The following NCAM2 variants were observed in gnomAD, a reference collection of about 807,000 sequenced individuals.
NCAM2 encodes neural cell adhesion molecule 2.
In NCAM2, 30 loss-of-function variants were observed where a neutral mutation model predicts 98.1. The observed-to-expected ratio is 0.31, with a 90% CI of 0.23 to 0.41. The LOEUF is 0.41. NCAM2 is among the 10% of genes least tolerant of loss of function. NCAM2 has a pLI of 1.00. For synonymous variants in NCAM2, 368 were observed against 342.4 expected, an observed-to-expected ratio of 1.07 and a Z score of -0.83; for missense variants, 867 against 1,005.8, an observed-to-expected ratio of 0.86 and a Z score of 1.87.
At chr21:20,998,836 G>T (rs1268716877) in intron 1 of NCAM2, among the ~76,000 whole-genome samples, 1 of 152,140 alleles carries the variant, frequency 6.6e-6, no homozygotes, top group African/African-American at 2.4e-5. Context: ...TACAGAATTG[G>T]AGAGGGGAAT....
chr21:21,216,514 G>A lies in NCAM2; in HGVS notation c.56-64064G>A, dbSNP rs1173648008. Among the ~76,000 whole-genome samples the A allele has an allele frequency of 2.0e-5, 3 of 152,180 alleles. No homozygotes were observed. The East Asian group carries it at 5.8e-4, about 29-fold the overall frequency. On this transcript the variant is annotated intron_variant, in intron 1 of 17. Transcript: ENST00000400546. ...CCTAGATATGTGGCCACAATCTGGT[G>A]TTCTAATACTTGCTCTCTGAGTTGA...
chr21:21,385,395 C>CACAT (rs1555885251), intron 9 of NCAM2, among the ~76,000 whole-genome samples: 2,638 of 150,656 alleles, frequency 0.018, 82 homozygotes, highest in African/African-American at 0.061. Flanking sequence ...CACACACACA[C>CACAT]ACACGCACAC....
chr21:21,347,717 A>G (rs1375851968), intron 8 of NCAM2, among the ~76,000 whole-genome samples: 1 of 152,080 alleles, frequency 6.6e-6, no homozygotes, highest in Non-Finnish European at 1.5e-5. Flanking sequence ...ATGAATATTG[A>G]TGCAAAAATC....
chr21:21,138,672 T>C (rs1343057824), intron 1 of NCAM2, among the ~76,000 whole-genome samples: 3 of 152,204 alleles, frequency 2.0e-5, no homozygotes, highest in Non-Finnish European at 4.4e-5. Flanking sequence ...AGGTAACTGA[T>C]TTTAGCAGTG....
chr21:21,206,633 A>G (rs1192877186), intron 1 of NCAM2, among the ~76,000 whole-genome samples: 1 of 151,704 alleles, frequency 6.6e-6, no homozygotes, highest in Non-Finnish European at 1.5e-5. Context: ...TTTAGGTTAC[A>G]GGTGTTGTTA....
chr21:21,408,628 C>T (rs1390032616), intron 9 of NCAM2, among the ~76,000 whole-genome samples: 4 of 151,930 alleles, frequency 2.6e-5, no homozygotes, highest in South Asian at 2.1e-4. Context: ...ATATAATAGA[C>T]GTTGGTTAAA....
intron 1 of NCAM2, among the ~76,000 whole-genome samples, chr21:21,093,136 T>C (rs1413578793): frequency 6.6e-6 from 1 of 152,046 alleles, no homozygotes; most frequent in African/African-American, 2.4e-5. Context: ...GGGTCAAGGT[T>C]TGAATAAGGT....
At chr21:21,459,603 T>C (rs987287436) in intron 12 of NCAM2, among the ~76,000 whole-genome samples, 6 of 150,018 alleles carry the variant, frequency 4.0e-5, no homozygotes, top group Admixed American at 3.3e-4. Context: ...ATACATTATT[T>C]ATATGTACAC....
chr21:21,191,199 T>A (rs1458376664), intron 1 of NCAM2, among the ~76,000 whole-genome samples: 1 of 152,194 alleles, frequency 6.6e-6, no homozygotes, highest in Non-Finnish European at 1.5e-5. Flanking sequence ...GTGGACTGCA[T>A]GACCTGTTTG....
At chr21:21,380,988 T>G (rs1391751309) in intron 9 of NCAM2, among the ~76,000 whole-genome samples, 1 of 152,246 alleles carries the variant, frequency 6.6e-6, no homozygotes, top group Non-Finnish European at 1.5e-5. Context: ...GCTTTTTGTT[T>G]GTATAACACT....
intron 5 of NCAM2, among the ~76,000 whole-genome samples, chr21:21,316,566 C>T (rs2147753624): frequency 8.5e-6 from 1 of 117,166 alleles, no homozygotes; most frequent in Non-Finnish European, 1.6e-5. Context: ...GACAGAGTCT[C>T]ACTCTGTTGC....
At position 21,022,655 on chromosome 21, in the gene NCAM2, A is replaced by G. The variant is rs146528612; in HGVS notation, c.55+24037A>G. On this transcript the variant is annotated intron_variant, in intron 1 of 17. Coordinates refer to ENST00000400546, the MANE Select transcript of NCAM2 (RefSeq NM_004540.5). ...ACATAGGTTACTATTTATTAATACA[A>G]TTGCAAATTATTTTAACATAATTTC... Among the ~76,000 whole-genome samples, 675 of 152,298 alleles carry G rather than the reference A, an allele frequency of 4.4e-3. 5 individuals carry two copies. Among genetic ancestry groups the G allele is most frequent in the African/African-American group, 0.015 (614 of 41,584 alleles).
intron 1 of NCAM2, among the ~76,000 whole-genome samples, chr21:21,238,360 AC>A (rs2070929669): frequency 6.6e-6 from 1 of 152,206 alleles, no homozygotes; most frequent in Non-Finnish European, 1.5e-5. Context: ...AATAATACAT[AC>A]ATTTATTTGC....
At chr21:21,108,612 G>A (rs1287907406) in intron 1 of NCAM2, among the ~76,000 whole-genome samples, 2 of 151,972 alleles carry the variant, frequency 1.3e-5, no homozygotes, top group Non-Finnish European at 2.9e-5. Context: ...TACATTAGAT[G>A]GATTTTTCAA....
At chr21:21,052,486 G>A (rs73218285) in intron 1 of NCAM2, among the ~76,000 whole-genome samples, 9,085 of 151,966 alleles carry the variant, frequency 0.06, 285 homozygotes, top group East Asian at 0.095. Context: ...TATTTCAGGT[G>A]TGACTTCTAT....
intron 1 of NCAM2, among the ~76,000 whole-genome samples, chr21:21,175,564 C>T (rs1420790681): frequency 6.6e-6 from 1 of 151,904 alleles, no homozygotes; most frequent in Non-Finnish European, 1.5e-5. Context: ...AATAATAAAA[C>T]AGGGTGGTAA....
chr21:21,385,649 C>T, intron 9 of NCAM2: 2 of 1,287,334 alleles, frequency 1.6e-6, no homozygotes, highest in Non-Finnish European at 2.0e-6. Context: ...TTCAACATTT[C>T]CGAGGCGTTA....
intron 9 of NCAM2, among the ~76,000 whole-genome samples, chr21:21,405,037 C>T (rs910297449): frequency 4.0e-5 from 6 of 151,642 alleles, no homozygotes; most frequent in Admixed American, 3.9e-4. Context: ...TGTAACTTTA[C>T]CGGGACTGAA....
Position 21,508,877 on chromosome 21 carries a change from G to A in NCAM2, c.2104G>A (p.Gly702Arg), listed in dbSNP as rs758029228. Residue 702 changes from glycine to arginine, a missense_variant, in exon 16 of 18, where the codon GGA (glycine) becomes AGA (arginine). Around this residue, in one of 5 missense-constraint regions of NCAM2, gnomAD observed 234 missense variants for 333.8 expected, o/e 0.70. Coordinates refer to ENST00000400546, the MANE Select transcript of NCAM2 (RefSeq NM_004540.5). ...CACGCTGTTTAATGGTCTTGGGCTT[G>A]GAGCAGTAATTGGCCTGGGAGTTGC... is the stretch of plus-strand genomic sequence containing the variant. ...KDTLFNGLGLGAVIGLGVAAL... is the reference protein window; with the variant it reads ...KDTLFNGLGLRAVIGLGVAAL... 128 of 1,516,924 alleles carry A rather than the reference G, an allele frequency of 8.4e-5. No homozygotes were observed. Among genetic ancestry groups the A allele is most frequent in the Non-Finnish European group, 1.1e-4 (123 of 1,126,334 alleles). The allele number at this position is 1,516,924 out of a possible 1,614,324, so 94.0% of individuals were successfully genotyped here.
Sources: allele counts gnomAD v4.1 joint callset (sites outside exome capture counted in the v4.1 genomes callset), GRCh38; gene constraint gnomAD v4.1.1; regional missense constraint gnomAD v4.1.1; transcripts MANE v1.5; gene names NCBI Gene and HGNC (gene_info 2026-07-23, HGNC 2026-07-21).